Variants in OTUD7A observed in about 807,000 individuals in gnomAD.
OTUD7A encodes the protein OTU deubiquitinase 7A, also known as OTU domain-containing protein 7A.
Under a neutral mutation model 65.7 loss-of-function variants are expected in OTUD7A, and 12 were observed. That is an observed-to-expected ratio of 0.18 (90% CI 0.12 to 0.30). OTUD7A has a LOEUF of 0.30. Ranked by LOEUF, OTUD7A falls within the 10% of genes least tolerant of loss-of-function variation. The pLI, the probability that OTUD7A is intolerant of heterozygous loss-of-function variation, is 1.00. For missense variants in OTUD7A, 1,148 were observed against 1,304.8 expected, an observed-to-expected ratio of 0.88 and a Z score of 1.85; for synonymous variants, 641 against 586.3, an observed-to-expected ratio of 1.09 and a Z score of -1.35.
intron 1 of OTUD7A, among the ~76,000 whole-genome samples, chr15:31,680,741 A>C (rs1892694048): frequency 6.6e-6 from 1 of 152,252 alleles, no homozygotes; most frequent in Non-Finnish European, 1.5e-5. Context: ...CTCCAGATGG[A>C]GGCAGATGCA....
At position 31,498,563 on chromosome 15, in the gene OTUD7A, C is replaced by T. The variant is rs1423837923; in HGVS notation, c.1171+3127G>A. Among the ~76,000 whole-genome samples the T allele has an allele frequency of 2.0e-5, 3 of 152,136 alleles. No individual in the cohort carries two copies. The highest frequency in any genetic ancestry group is 7.2e-5 in the African/African-American group (3 of 41,420). ...TTGATTTGATTTTTCATAATGTACA[C>T]ATTTGCTCAGTGGCCAGTAGGAACT... On this transcript the variant is annotated intron_variant, in intron 10 of 12. Transcript: ENST00000307050. The surrounding 1 kb of genome is among the most constrained non-coding windows in gnomAD (Gnocchi z 4.2).
At chr15:31,616,009 G>T (rs1195701041) in intron 3 of OTUD7A, among the ~76,000 whole-genome samples, 1 of 152,256 alleles carries the variant, frequency 6.6e-6, no homozygotes, top group East Asian at 1.9e-4. Flanking sequence ...TTCTGATGAG[G>T]TATGGGCCTT....
At chr15:31,666,897 T>C (rs1892335885) in intron 1 of OTUD7A, among the ~76,000 whole-genome samples, 2 of 152,218 alleles carry the variant, frequency 1.3e-5, no homozygotes, top group African/African-American at 4.8e-5. Flanking sequence ...CCAATGCTCA[T>C]TCAGGAACAG....
intron 1 of OTUD7A, among the ~76,000 whole-genome samples, chr15:31,814,369 G>T (rs1335015919): frequency 6.6e-6 from 1 of 152,218 alleles, no homozygotes; most frequent in Non-Finnish European, 1.5e-5. Flanking sequence ...CGAGTGCCCT[G>T]AAGAACTGAG....
At position 31,559,091 on chromosome 15, in the gene OTUD7A, G is replaced by C; in HGVS notation, c.428C>G (p.Pro143Arg). ...VASECNNEQF[P>R]LEMPIYTFQL... is the part of the protein sequence containing the mutation. The stretch of plus-strand genomic sequence containing the variant: ...GAATGTGTAGATTGGCATCTCCAGG[G>C]GGAACTGCTCGTTGTTGCATTCACT... The change falls in exon 5 of 13, where the codon CCC becomes CGC. Residue 143 changes from proline to arginine, a missense_variant. Pro to Arg is a moderately radical substitution (Grantham distance 103). Transcript: ENST00000307050. 6.2e-7 allele frequency: 1 copy of C among 1,614,144 alleles called. No individual in the cohort carries two copies. Among genetic ancestry groups the C allele is most frequent in the East Asian group, 2.2e-5 (1 of 44,886 alleles).
At chr15:31,666,288 A>G (rs145572325) in intron 1 of OTUD7A, among the ~76,000 whole-genome samples, 29,896 of 151,970 alleles carry the variant, frequency 0.2, 3,119 homozygotes, top group East Asian at 0.25. Flanking sequence ...TAAGATTTCA[A>G]TCACACTGCT....
chr15:31,513,128 C>T (rs1248218513), intron 8 of OTUD7A, among the ~76,000 whole-genome samples: 2 of 152,204 alleles, frequency 1.3e-5, no homozygotes, highest in Non-Finnish European at 1.5e-5. Flanking sequence ...GCCTTGGCCT[C>T]CCAAAGTGCT....
chr15:31,549,120 A>G (rs1888232823), intron 5 of OTUD7A, among the ~76,000 whole-genome samples: 1 of 145,994 alleles, frequency 6.8e-6, no homozygotes, highest in South Asian at 2.2e-4. Context: ...TGGGAGACAG[A>G]GCGAGGCCTT....
At chr15:31,639,965 C>T (rs1006215318) in intron 3 of OTUD7A, among the ~76,000 whole-genome samples, 24 of 152,186 alleles carry the variant, frequency 1.6e-4, no homozygotes, top group African/African-American at 5.3e-4. Context: ...TGCAGTTTAT[C>T]TTTTCATTCT....
At chr15:31,768,168 G>C in intron 1 of OTUD7A, 1 of 1,484,398 alleles carries the variant, frequency 6.7e-7, no homozygotes, top group East Asian at 2.3e-5. Context: ...TTGGTGGCCC[G>C]ATAAGGCCCG....
chr15:31,631,276 C>A (rs1336870466), intron 3 of OTUD7A, among the ~76,000 whole-genome samples: 2 of 152,192 alleles, frequency 1.3e-5, no homozygotes, highest in Non-Finnish European at 2.9e-5. Flanking sequence ...TCTTTTAGGG[C>A]AGACCTGGTG....
At chr15:31,599,358 G>T (rs1010969075) in intron 3 of OTUD7A, among the ~76,000 whole-genome samples, 8 of 152,206 alleles carry the variant, frequency 5.3e-5, no homozygotes, top group Non-Finnish European at 1.0e-4. Context: ...GTAATACCCA[G>T]GCAAACAGGG....
At chr15:31,856,397 A>G (rs1331500911) in intron 1 of OTUD7A, among the ~76,000 whole-genome samples, 3 of 152,046 alleles carry the variant, frequency 2.0e-5, no homozygotes, top group African/African-American at 7.2e-5. Flanking sequence ...CAAATATTAG[A>G]TTTTTTTTCA....
At chr15:31,614,854 T>C (rs967230247) in intron 3 of OTUD7A, among the ~76,000 whole-genome samples, 5 of 152,140 alleles carry the variant, frequency 3.3e-5, no homozygotes, top group Admixed American at 3.3e-4. Context: ...AATATTAATA[T>C]ACAAGGCAGA....
At chr15:31,627,264 C>A (rs985738270) in intron 3 of OTUD7A, among the ~76,000 whole-genome samples, 2 of 131,018 alleles carry the variant, frequency 1.5e-5, no homozygotes, top group African/African-American at 2.8e-5. Flanking sequence ...CAACAGTCCC[C>A]GGAGTGTGAT....
chr15:31,717,706 T>C (rs1893628806), intron 1 of OTUD7A, among the ~76,000 whole-genome samples: 1 of 152,216 alleles, frequency 6.6e-6, no homozygotes, highest in South Asian at 2.1e-4. Context: ...AACATACATG[T>C]GCATGTGTCT....
At chr15:31,746,586 T>A (rs566800134) in intron 1 of OTUD7A, among the ~76,000 whole-genome samples, 1 of 149,426 alleles carries the variant, frequency 6.7e-6, no homozygotes, top group Non-Finnish European at 1.5e-5. Context: ...AACCTCCACC[T>A]CCCAGGTTCA....
intron 1 of OTUD7A, among the ~76,000 whole-genome samples, chr15:31,686,453 A>G (rs1892839205): frequency 6.6e-6 from 1 of 152,224 alleles, no homozygotes; most frequent in Non-Finnish European, 1.5e-5. Flanking sequence ...AAACTCAGTG[A>G]TTTCCTTGGT....
intron 1 of OTUD7A, among the ~76,000 whole-genome samples, chr15:31,701,547 C>T (rs1893214276): frequency 6.6e-6 from 1 of 151,650 alleles, no homozygotes; most frequent in Admixed American, 6.6e-5. Context: ...ATAAATTTAG[C>T]AACTTAGATG....
Sources: gnomAD v4.1 joint callset for allele counts (sites outside exome capture counted in the v4.1 genomes callset) on GRCh38, gnomAD v4.1.1 for gene constraint, Gnocchi (gnomAD v3.1) non-coding constraint, MANE v1.5 for transcripts, NCBI Gene and HGNC (gene_info 2026-07-23, HGNC 2026-07-21) for gene names.